Variants in RUFY4 observed in about 807,000 individuals in gnomAD.
RUFY4 encodes the protein RUN and FYVE domain-containing protein 4.
In RUFY4, 73 loss-of-function variants were observed where a neutral mutation model predicts 69.0. The ratio of observed to expected loss-of-function variants is 1.06; its 90% CI spans 0.88 to 1.29. The LOEUF is 1.29. RUFY4 is among the 50% of genes most tolerant of loss of function. The probability of loss-of-function intolerance (pLI) is 0.00; values close to 1 mark genes in which losing one functional copy is unlikely to be tolerated. For missense variants in RUFY4, 770 were observed against 705.6 expected (o/e 1.09, Z -1.03); for synonymous variants, 287 against 271.8 (o/e 1.06, Z -0.55).
exon 11 of RUFY4, chr2:218,090,124 C>T (rs1217865468): frequency 1.3e-5 from 12 of 913,132 alleles, no homozygotes; most frequent in South Asian, 4.2e-5. Flanking sequence ...ACTCCCTGCC[C>T]GTAGCTCTTC....
intron 2 of RUFY4, among the ~76,000 whole-genome samples, chr2:218,053,021 A>G (rs1022392586): frequency 6.6e-6 from 1 of 152,122 alleles, no homozygotes; most frequent in African/African-American, 2.4e-5. Context: ...GTGCAATCGC[A>G]TGATCACAGC....
chr2:218,078,445 C>G (rs534449667), intron 8 of RUFY4, among the ~76,000 whole-genome samples: 7 of 152,030 alleles, frequency 4.6e-5, no homozygotes, highest in African/African-American at 1.7e-4. Context: ...TCCAAGGAGG[C>G]CTTCCGGGCC....
intron 2 of RUFY4, among the ~76,000 whole-genome samples, chr2:218,051,379 C>A (rs1038445952): frequency 4.0e-5 from 6 of 151,830 alleles, no homozygotes; most frequent in African/African-American, 1.2e-4. Flanking sequence ...CAGAAAAGTA[C>A]TTATTCCTGG....
At chr2:218,066,255 C>G (rs189686862), upstream of RUFY4, among the ~76,000 whole-genome samples, 539 of 143,724 alleles carry the variant, frequency 3.8e-3, 4 homozygotes, top group African/African-American at 0.013. Context: ...ACAATCTCAG[C>G]TCACTGCAAC....
At chr2:218,073,730 A>G (rs1689552083) in intron 5 of RUFY4, 86 bp from the exon 8 acceptor site, 1 of 1,413,554 alleles carries the variant, frequency 7.1e-7, no homozygotes, top group Non-Finnish European at 9.9e-7. Context: ...TGAATGCGCT[A>G]GTGGAAAGAT....
At chr2:218,040,569 A>G (rs754865014) in intron 2 of RUFY4, among the ~76,000 whole-genome samples, 1 of 152,138 alleles carries the variant, frequency 6.6e-6, no homozygotes, top group Non-Finnish European at 1.5e-5. Context: ...CCTTATGACC[A>G]TGTACTAAAC....
intron 9 of RUFY4, among the ~76,000 whole-genome samples, chr2:218,087,582 A>G (rs1188764225): frequency 1.3e-5 from 2 of 152,160 alleles, no homozygotes; most frequent in Non-Finnish European, 2.9e-5. Context: ...TCATCCCAGC[A>G]CTTTGGAAGT....
At chr2:218,049,188 T>A (rs528054531) in intron 2 of RUFY4, among the ~76,000 whole-genome samples, 4 of 152,288 alleles carry the variant, frequency 2.6e-5, no homozygotes, top group Non-Finnish European at 5.9e-5. Context: ...GTTTGGGACC[T>A]CATCATCTGA....
intron 8 of RUFY4, 93 bp downstream of exon 10, chr2:218,076,626 CT>C: frequency 6.6e-7 from 1 of 1,505,394 alleles, no homozygotes; most frequent in Non-Finnish European, 8.9e-7. Context: ...TTGTGAGAAC[CT>C]CCCATGCACC....
chr2:218,076,325 G>A, intron 7 of RUFY4, 102 bp from the exon 10 acceptor site: 1 of 1,464,984 alleles, frequency 6.8e-7, no homozygotes, highest in Non-Finnish European at 9.1e-7. Context: ...CCCTGCCAGG[G>A]CATGGCCTGG....
chr2:218,048,807 T>A (rs1028117811), intron 2 of RUFY4, among the ~76,000 whole-genome samples: 1 of 152,168 alleles, frequency 6.6e-6, no homozygotes, highest in Non-Finnish European at 1.5e-5. Flanking sequence ...GAAACAGAGG[T>A]AAACATGTTC....
chr2:218,082,435 C>T, intron 8 of RUFY4, among the ~76,000 whole-genome samples: 1 of 152,154 alleles, frequency 6.6e-6, no homozygotes, highest in African/African-American at 2.4e-5. Flanking sequence ...AAAGTTACAT[C>T]TTAAATGGAA....
chr2:218,066,177 CTTTTT>C (rs58665951), upstream of RUFY4, among the ~76,000 whole-genome samples: 30 of 74,442 alleles, frequency 4.0e-4, no homozygotes, highest in African/African-American at 1.7e-3. Context: ...CTTTTCTTTT[CTTTTT>C]TTTTTTTTTT....
intron 2 of RUFY4, among the ~76,000 whole-genome samples, chr2:218,044,809 T>C (rs1428816838): frequency 2.0e-5 from 3 of 152,254 alleles, no homozygotes; most frequent in Non-Finnish European, 4.4e-5. Flanking sequence ...CCATGGTGTA[T>C]ATGTACCACA....
At chr2:218,088,970 T>TCC in intron 9 of RUFY4, among the ~76,000 whole-genome samples, 1 of 150,158 alleles carries the variant, frequency 6.7e-6, no homozygotes, top group Non-Finnish European at 1.5e-5. Flanking sequence ...TCTCCACCCC[T>TCC]CTCTCTCTCT....
chr2:218,075,233 C>G (rs1364384018), exon 7 of RUFY4: 3 of 1,566,974 alleles, frequency 1.9e-6, no homozygotes, highest in Non-Finnish European at 2.6e-6. Flanking sequence ...ATCTTCCTTT[C>G]TTTTTGGAAA....
intron 2 of RUFY4, among the ~76,000 whole-genome samples, chr2:218,046,924 G>A (rs1031406503): frequency 6.6e-6 from 1 of 151,830 alleles, no homozygotes; most frequent in Non-Finnish European, 1.5e-5. Context: ...ATTTTGGGGA[G>A]CTGTCAAAAA....
chr2:218,068,848 G>C (rs893201589), upstream of RUFY4: 2 of 152,584 alleles, frequency 1.3e-5, no homozygotes, highest in African/African-American at 2.4e-5. Flanking sequence ...GGAAGGAGGA[G>C]CGTGGTGGGA....
chr2:218,073,357 C>T, exon 5 of RUFY4: 1 of 1,592,074 alleles, frequency 6.3e-7, no homozygotes, highest in East Asian at 2.3e-5. Flanking sequence ...AGCAGCCAGA[C>T]CTGGATGGAG....
Sources: allele counts gnomAD v4.1 joint callset (sites outside exome capture counted in the v4.1 genomes callset), GRCh38; gene constraint gnomAD v4.1.1; transcripts MANE v1.5; gene names NCBI Gene and HGNC (gene_info 2026-07-23, HGNC 2026-07-21).